Variants in HOATZ observed in about 807,000 individuals in gnomAD.
HOATZ encodes cilia- and flagella-associated protein HOATZ.
A neutral mutation model predicts 24.9 loss-of-function variants in HOATZ; 26 were observed. The ratio of observed to expected loss-of-function variants is 1.04; its 90% CI spans 0.76 to 1.45. HOATZ has a LOEUF of 1.45. HOATZ is among the 40% of genes most tolerant of loss of function. HOATZ has a pLI of 0.00. For synonymous variants in HOATZ, 83 were observed against 76.6 expected (o/e 1.08, Z -0.43); for missense variants, 226 against 201.5 (o/e 1.12, Z -0.74).
intron 2 of HOATZ, 32 bp downstream of exon 2, chr11:111,515,584 C>CA (rs1867183244): frequency 1.3e-6 from 2 of 1,570,148 alleles, no homozygotes; most frequent in African/African-American, 2.7e-5. Context: ...TTTCAACATT[C>CA]TGACTCCTAG....
chr11:111,523,205 CT>C (rs747393521), intron 3 of HOATZ, among the ~76,000 whole-genome samples: 4,821 of 94,282 alleles, frequency 0.051, 128 homozygotes, highest in African/African-American at 0.14. Flanking sequence ...TAAGTGTTCA[CT>C]TTTTTTTTTT....
At chr11:111,533,137 C>T (rs1314699672) in intron 3 of HOATZ, among the ~76,000 whole-genome samples, 1 of 152,152 alleles carries the variant, frequency 6.6e-6, no homozygotes. Context: ...GCTTTGTTGC[C>T]CTGTGCAAGC....
intron 3 of HOATZ, among the ~76,000 whole-genome samples, chr11:111,533,257 G>A (rs1207529943): frequency 2.0e-5 from 3 of 152,058 alleles, no homozygotes; most frequent in Non-Finnish European, 4.4e-5. Flanking sequence ...GATCAAATCC[G>A]GTTCTGCCAC....
chr11:111,515,078 C>G, intron 1 of HOATZ, 68 bp downstream of exon 1: 1 of 1,126,362 alleles, frequency 8.9e-7, no homozygotes, highest in Middle Eastern at 2.0e-4. Flanking sequence ...GGTACCAGAG[C>G]CCTTTCCAGG....
At chr11:111,531,384 G>A (rs1245166632) in intron 3 of HOATZ, among the ~76,000 whole-genome samples, 2 of 152,168 alleles carry the variant, frequency 1.3e-5, no homozygotes, top group African/African-American at 2.4e-5. Flanking sequence ...AAAGAGATGA[G>A]TAAGGTTCTG....
At chr11:111,523,612 C>G (rs1867296723) in intron 3 of HOATZ, among the ~76,000 whole-genome samples, 1 of 152,188 alleles carries the variant, frequency 6.6e-6, no homozygotes, top group Non-Finnish European at 1.5e-5. Flanking sequence ...CCAAGACTTT[C>G]ACTATCTGCC....
chr11:111,515,093 A>G, intron 1 of HOATZ, 83 bp downstream of exon 1: 1 of 901,694 alleles, frequency 1.1e-6, no homozygotes, highest in Non-Finnish European at 1.8e-6. Flanking sequence ...TCCAGGAGAA[A>G]CTGCAATGGT....
intron 3 of HOATZ, among the ~76,000 whole-genome samples, chr11:111,532,776 C>A (rs189966317): frequency 6.6e-6 from 1 of 152,298 alleles, no homozygotes; most frequent in Non-Finnish European, 1.5e-5. Context: ...TATGACAAAT[C>A]TGTGTCTATT....
intron 3 of HOATZ, among the ~76,000 whole-genome samples, chr11:111,528,261 G>A (rs1023696004): frequency 3.9e-5 from 6 of 152,178 alleles, no homozygotes; most frequent in Non-Finnish European, 7.4e-5. Flanking sequence ...TGAGCCCAGG[G>A]GGCAGGAGGT....
chr11:111,520,608 G>C (rs1387836105), intron 3 of HOATZ, among the ~76,000 whole-genome samples: 3 of 152,180 alleles, frequency 2.0e-5, no homozygotes, highest in Non-Finnish European at 2.9e-5. Flanking sequence ...CATTACAGTA[G>C]TCCTCCTTCC....
At chr11:111,534,057 A>AT (rs1321575735) in intron 4 of HOATZ, among the ~76,000 whole-genome samples, 3 of 152,258 alleles carry the variant, frequency 2.0e-5, no homozygotes, top group Non-Finnish European at 4.4e-5. Context: ...TACTGTTCAC[A>AT]TATTATAAAG....
chr11:111,533,195 G>T (rs1159758571), intron 3 of HOATZ, among the ~76,000 whole-genome samples: 1 of 152,182 alleles, frequency 6.6e-6, no homozygotes. Flanking sequence ...ACCATTAGTG[G>T]CAATTTAGTG....
Position 111,520,731 on chromosome 11 carries a change from A to G in HOATZ, c.339+4621A>G, listed in dbSNP as rs1488796153. ...CAAGTTTTAAATTGCTTGCCATTCC[A>G]AGAGTGTGATGAAATCTTGTGCCAT... On this transcript the variant is annotated intron_variant, in intron 3 of 5. Coordinates refer to ENST00000375618, the MANE Select transcript of HOATZ (RefSeq NM_001100388.2). 2.0e-5 allele frequency among the ~76,000 whole-genome samples: 3 copies of G among 152,348 alleles called. No individual in the cohort carries two copies. The East Asian group carries it at 5.8e-4, about 29-fold the overall frequency.
At chr11:111,533,191 A>G (rs1417038686) in intron 3 of HOATZ, among the ~76,000 whole-genome samples, 1 of 152,190 alleles carries the variant, frequency 6.6e-6, no homozygotes. Context: ...TGCCACCATT[A>G]GTGGCAATTT....
intron 3 of HOATZ, among the ~76,000 whole-genome samples, chr11:111,532,931 C>T (rs537840326): frequency 2.0e-5 from 3 of 152,158 alleles, no homozygotes; most frequent in Admixed American, 6.5e-5. Context: ...TGTGATTTTC[C>T]GCCTGGCTAT....
intron 3 of HOATZ, among the ~76,000 whole-genome samples, chr11:111,525,738 T>C (rs564885393): frequency 4.3e-4 from 65 of 152,364 alleles, no homozygotes; most frequent in African/African-American, 1.5e-3. Context: ...CAAATATTTA[T>C]TGAGCACTTC....
chr11:111,525,781 A>G (rs931052387), intron 3 of HOATZ, among the ~76,000 whole-genome samples: 2 of 152,244 alleles, frequency 1.3e-5, no homozygotes, highest in Non-Finnish European at 2.9e-5. Context: ...GAACTGGCAT[A>G]CAATGATGGA....
chr11:111,521,210 T>C (rs1461810278), intron 3 of HOATZ, among the ~76,000 whole-genome samples: 1 of 152,130 alleles, frequency 6.6e-6, no homozygotes, highest in Non-Finnish European at 1.5e-5. Context: ...TACCTACTTG[T>C]ATTGAAATGC....
chr11:111,524,974 C>A, intron 3 of HOATZ: 1 of 408,200 alleles, frequency 2.4e-6, no homozygotes, highest in South Asian at 1.8e-5. Flanking sequence ...GTGATTCTCC[C>A]ACCTCAGCCT....
Sources: gnomAD v4.1 joint callset for allele counts (sites outside exome capture counted in the v4.1 genomes callset) on GRCh38, gnomAD v4.1.1 for gene constraint, MANE v1.5 for transcripts, NCBI Gene and HGNC (gene_info 2026-07-23, HGNC 2026-07-21) for gene names.